RBL1: variants seen among roughly 807,000 people sequenced by gnomAD.
RBL1 encodes the protein retinoblastoma-like protein 1.
RBL1 carries 82 observed loss-of-function variants against 123.0 expected under a neutral mutation model. The ratio of observed to expected loss-of-function variants is 0.67; its 90% CI spans 0.56 to 0.80. The LOEUF (loss-of-function observed/expected upper bound fraction) is 0.80, where lower values mean the gene tolerates loss of function less well. RBL1 is among the 30% of genes least tolerant of loss of function. The probability of loss-of-function intolerance (pLI) is 0.00; values close to 1 mark genes in which losing one functional copy is unlikely to be tolerated. For missense variants in RBL1, 1,171 were observed against 1,299.6 expected, an observed-to-expected ratio of 0.90 and a Z score of 1.52; for synonymous variants, 405 against 441.3, an observed-to-expected ratio of 0.92 and a Z score of 1.03.
At chr20:37,063,709 A>C (rs992399683) in intron 7 of RBL1, among the ~76,000 whole-genome samples, 3 of 151,660 alleles carry the variant, frequency 2.0e-5, no homozygotes, top group Admixed American at 2.0e-4. Flanking sequence ...ATGGGGTTTC[A>C]CCATGTTGGC....
At chr20:37,015,436 G>GTT (rs918977257) in intron 19 of RBL1, among the ~76,000 whole-genome samples, 1 of 146,946 alleles carries the variant, frequency 6.8e-6, no homozygotes, top group Non-Finnish European at 1.5e-5. Context: ...TTTTGTTGTT[G>GTT]TTTTTTTTTT....
At chr20:37,040,445 G>A (rs1267118558) in intron 13 of RBL1, among the ~76,000 whole-genome samples, 160 bp from the exon 14 acceptor site, 2 of 152,022 alleles carry the variant, frequency 1.3e-5, no homozygotes, top group Admixed American at 6.6e-5. Flanking sequence ...TCCAACGCCC[G>A]GGGTTCAAGT....
At chr20:37,017,080 C>T (rs1000795713) in intron 19 of RBL1, among the ~76,000 whole-genome samples, 5 of 151,840 alleles carry the variant, frequency 3.3e-5, no homozygotes, top group African/African-American at 1.2e-4. Context: ...TTAAAGAAAT[C>T]ACAGTACCTA....
chr20:37,084,774 T>C (rs887548487), intron 2 of RBL1, among the ~76,000 whole-genome samples: 2 of 149,908 alleles, frequency 1.3e-5, no homozygotes, highest in Admixed American at 6.7e-5. Flanking sequence ...TAGGAAGACC[T>C]TTTTTTTTGA....
chr20:37,079,866 G>T (rs976424862), intron 2 of RBL1, among the ~76,000 whole-genome samples: 1 of 152,072 alleles, frequency 6.6e-6, no homozygotes, highest in South Asian at 2.1e-4. Context: ...AGTTTGCCAG[G>T]CTTCAGGAAA....
At chr20:37,003,672 G>A in intron 21 of RBL1, 30 bp downstream of exon 21, 1 of 1,545,356 alleles carries the variant, frequency 6.5e-7, no homozygotes, top group Non-Finnish European at 8.7e-7. Context: ...CTGTTAATCT[G>A]AAATCCAACT....
At chr20:37,075,668 G>T (rs2065352801) in intron 2 of RBL1, among the ~76,000 whole-genome samples, 1 of 152,016 alleles carries the variant, frequency 6.6e-6, no homozygotes, top group Admixed American at 6.6e-5. Flanking sequence ...GTTGGCCAGG[G>T]TGGTCTCAAA....
At chr20:37,011,433 ATTTTT>A (rs5841248) in intron 19 of RBL1, among the ~76,000 whole-genome samples, 9 of 135,734 alleles carry the variant, frequency 6.6e-5, no homozygotes, top group Admixed American at 1.5e-4. Flanking sequence ...CAAGGTCAGA[ATTTTT>A]TTTTTTTTTT....
chr20:37,032,484 T>C (rs1198001574), intron 16 of RBL1, among the ~76,000 whole-genome samples, 181 bp downstream of exon 16: 1 of 152,056 alleles, frequency 6.6e-6, no homozygotes, highest in Non-Finnish European at 1.5e-5. Context: ...ACGGTAGTAA[T>C]AAAGCTGCAC....
At chr20:37,078,905 T>C (rs2065405568) in intron 2 of RBL1, among the ~76,000 whole-genome samples, 1 of 151,644 alleles carries the variant, frequency 6.6e-6, no homozygotes, top group Admixed American at 6.6e-5. Flanking sequence ...GGGGAAGGTA[T>C]ATTTAACATT....
intron 15 of RBL1, among the ~76,000 whole-genome samples, chr20:37,033,648 G>GGGAGTC (rs1268307370): frequency 1.4e-5 from 2 of 143,736 alleles, no homozygotes; most frequent in African/African-American, 5.2e-5. Context: ...GTCTCACTCT[G>GGGAGTC]TCACCCAGGT....
chr20:37,018,477 G>T, intron 18 of RBL1, 108 bp from the exon 19 acceptor site: 1 of 1,398,046 alleles, frequency 7.2e-7, no homozygotes, highest in African/African-American at 1.5e-5. Flanking sequence ...CTATTTGTCT[G>T]TATAAGTGAT....
At chr20:37,056,039 A>G (rs1166855926) in intron 10 of RBL1, 107 bp downstream of exon 10, 2 of 1,452,604 alleles carry the variant, frequency 1.4e-6, no homozygotes, top group African/African-American at 1.5e-5. Flanking sequence ...TCGGTCTCAA[A>G]AAAAAAAAAG....
At chr20:37,031,002 C>T (rs1042068697) in intron 16 of RBL1, among the ~76,000 whole-genome samples, 1 of 151,878 alleles carries the variant, frequency 6.6e-6, no homozygotes, top group South Asian at 2.1e-4. Context: ...GCTGTGACTG[C>T]GTGACTGCAC....
At chr20:37,054,038 C>T (rs1372878513) in intron 11 of RBL1, among the ~76,000 whole-genome samples, 1 of 151,586 alleles carries the variant, frequency 6.6e-6, no homozygotes, top group African/African-American at 2.4e-5. Context: ...TACACACACA[C>T]ACACACACAC....
chr20:37,014,180 C>T (rs2064213032), intron 19 of RBL1, among the ~76,000 whole-genome samples: 1 of 151,518 alleles, frequency 6.6e-6, no homozygotes, highest in South Asian at 2.1e-4. Context: ...TGGGCTCAAG[C>T]CAACCTCCCA....
At chr20:37,043,745 G>A (rs1488710804) in intron 13 of RBL1, among the ~76,000 whole-genome samples, 2 of 152,116 alleles carry the variant, frequency 1.3e-5, no homozygotes, top group Non-Finnish European at 2.9e-5. Flanking sequence ...CTAAGTGACA[G>A]ATGCCCAGTC....
intron 2 of RBL1, among the ~76,000 whole-genome samples, chr20:37,070,920 G>A (rs1176186322): frequency 6.6e-6 from 1 of 150,954 alleles, no homozygotes; most frequent in East Asian, 1.9e-4. Flanking sequence ...TTTTGAGATG[G>A]AGTCTCAGTC....
At chr20:37,012,952 CGGGA>C (rs2064186671) in intron 19 of RBL1, among the ~76,000 whole-genome samples, 2 of 150,930 alleles carry the variant, frequency 1.3e-5, no homozygotes, top group Admixed American at 6.6e-5. Context: ...CCGCCCCGTC[CGGGA>C]GGGAGGTGGG....
Sources: gnomAD v4.1 joint callset for allele counts (sites outside exome capture counted in the v4.1 genomes callset) on GRCh38, gnomAD v4.1.1 for gene constraint, MANE v1.5 for transcripts, NCBI Gene and HGNC (gene_info 2026-07-23, HGNC 2026-07-21) for gene names.